SLC24A4: variants seen among roughly 807,000 people sequenced by gnomAD.
The protein encoded by SLC24A4 is solute carrier family 24 member 4.
A neutral mutation model predicts 79.0 loss-of-function variants in SLC24A4; 53 were observed. That is an observed-to-expected ratio of 0.67 (90% CI 0.54 to 0.84). SLC24A4 has a LOEUF of 0.84. Among genes scored for constraint, SLC24A4 ranks in the 40% least tolerant of loss-of-function variants. The pLI, the probability that SLC24A4 is intolerant of heterozygous loss-of-function variation, is 0.00. For missense variants in SLC24A4, 731 were observed against 822.0 expected, an observed-to-expected ratio of 0.89 and a Z score of 1.35; for synonymous variants, 323 against 323.8, an observed-to-expected ratio of 1.00 and a Z score of 0.03.
In SLC24A4 at chr14:92,397,209, C is replaced by T. The variant is rs566281290; in HGVS notation, c.242-36703C>T. 1.8e-4 allele frequency among the ~76,000 whole-genome samples: 28 copies of T among 152,156 alleles called. No homozygotes were observed. In the South Asian group the frequency reaches 5.2e-3, roughly 28 times the overall value. On this transcript the variant is annotated intron_variant, in intron 2 of 16. Coordinates refer to ENST00000532405, the MANE Select transcript of SLC24A4 (RefSeq NM_153646.4). Reference sequence around the variant, plus strand: ...GTGAAATCTATCACGGTGGATAATCCGAAATTTGCATTTGGAATGCAGAAG... The same window carrying T: ...GTGAAATCTATCACGGTGGATAATCTGAAATTTGCATTTGGAATGCAGAAG...
intron 2 of SLC24A4, among the ~76,000 whole-genome samples, chr14:92,357,285 A>G (rs2141657270): frequency 6.6e-6 from 1 of 152,340 alleles, no homozygotes; most frequent in Admixed American, 6.5e-5. Context: ...AAAGAATCAG[A>G]TCTCCTGGTG....
chr14:92,442,112 G>A lies in SLC24A4; in HGVS notation c.417G>A (p.Val139=). 6.2e-7 allele frequency: 1 copy of A among 1,613,978 alleles called. No individual in the cohort carries two copies. Residue 139 remains valine (V), a synonymous_variant, in exon 5 of 17, where the codon GTG becomes GTA. Transcript: ENST00000532405. ...ICERLHLSED[V]AGATFMAAGS... ...AGAGACTCCATCTGAGCGAAGATGT[G>A]GCTGGAGCCACCTTCATGGCTGCAG...
chr14:92,495,215 T>A lies in SLC24A4; in HGVS notation c.*1587T>A, dbSNP rs1895882916. On this transcript the variant is annotated 3_prime_UTR_variant, in exon 17 of 17. Coordinates refer to ENST00000532405, the MANE Select transcript of SLC24A4 (RefSeq NM_153646.4). Reference sequence around the variant, plus strand: ...CGTGACGCTGGTTGGAATTTCTGACTGTGCCCTTTAGGGCCTCCTGAGTTT... The same window carrying A: ...CGTGACGCTGGTTGGAATTTCTGACAGTGCCCTTTAGGGCCTCCTGAGTTT... 1 of 152,524 alleles carries A rather than the reference T, an allele frequency of 6.6e-6. No homozygotes were observed. The highest frequency in any genetic ancestry group is 2.4e-5 in the African/African-American group (1 of 41,438). The allele number at this position is 152,524 out of a possible 1,614,324, so 9.4% of individuals were successfully genotyped here.
Position 92,493,641 on chromosome 14 carries a change from GC to G in SLC24A4, c.*17del. The G allele has an allele frequency of 3.1e-6, 5 of 1,613,466 alleles. No individual in the cohort carries two copies. Among genetic ancestry groups the G allele is most frequent in the Non-Finnish European group, 4.2e-6 (5 of 1,179,666 alleles). On this transcript the variant is annotated 3_prime_UTR_variant, in exon 17 of 17. Coordinates refer to ENST00000532405, the MANE Select transcript of SLC24A4 (RefSeq NM_153646.4). ...GGAAGACGATTAGCGCTGAGTCGCG[GC>G]CCCTGGGAGCTGATCTGGACACCCT...
intron 2 of SLC24A4, among the ~76,000 whole-genome samples, chr14:92,342,634 C>T (rs1210015912): frequency 5.9e-5 from 9 of 152,192 alleles, no homozygotes; most frequent in South Asian, 2.1e-4. Context: ...CCACCCGCCT[C>T]GGCCTCCCAA....
At chr14:92,447,709 C>A (rs952995283) in intron 9 of SLC24A4, among the ~76,000 whole-genome samples, 1 of 152,220 alleles carries the variant, frequency 6.6e-6, no homozygotes, top group Non-Finnish European at 1.5e-5. Context: ...GCCTCTTTCC[C>A]GCCCTGCTCT....
chr14:92,350,204 T>C (rs1566705153), intron 2 of SLC24A4, among the ~76,000 whole-genome samples: 1 of 152,236 alleles, frequency 6.6e-6, no homozygotes, highest in East Asian at 1.9e-4. Flanking sequence ...AGTTCTTTTT[T>C]TGGGAGCTGC....
rs1002034881 is a variant in SLC24A4 at position 92,491,768 on chromosome 14, T to C, written c.1641T>C (p.Tyr547=). 1.4e-5 allele frequency: 22 copies of C among 1,611,402 alleles called. No homozygotes were observed. Among genetic ancestry groups the C allele is most frequent in the East Asian group, 2.2e-5 (1 of 44,884 alleles). ...PWGLQTMVVN[Y]GSTVKINSRG... is the part of the protein sequence containing the mutation. ...GCCTGCAGACCATGGTTGTTAATTA[T>C]GGATCAACAGTAAGTTCCTCTCACC... Residue 547 remains tyrosine (Y), a synonymous_variant, in exon 15 of 17, where the codon TAT becomes TAC. Coordinates refer to ENST00000532405, the MANE Select transcript of SLC24A4 (RefSeq NM_153646.4).
intron 12 of SLC24A4, among the ~76,000 whole-genome samples, chr14:92,458,314 G>C (rs543484251): frequency 1.1e-4 from 17 of 152,336 alleles, no homozygotes; most frequent in African/African-American, 3.6e-4. Flanking sequence ...CCAGCCCAGG[G>C]GTTCAGGCCT....
chr14:92,430,121 T>C (rs2139780094), intron 2 of SLC24A4, among the ~76,000 whole-genome samples: 1 of 152,348 alleles, frequency 6.6e-6, no homozygotes, highest in South Asian at 2.1e-4. Flanking sequence ...TCAGGGGATT[T>C]CCCACCTCAA....
intron 2 of SLC24A4, among the ~76,000 whole-genome samples, chr14:92,346,529 G>A (rs1402327824): frequency 2.6e-5 from 4 of 152,208 alleles, no homozygotes; most frequent in African/African-American, 9.6e-5. Context: ...GGTCATAAGC[G>A]AGGGATAGAT....
At chr14:92,435,219 G>T (rs1443729716) in intron 3 of SLC24A4, among the ~76,000 whole-genome samples, 1 of 152,156 alleles carries the variant, frequency 6.6e-6, no homozygotes, top group East Asian at 1.9e-4. Flanking sequence ...GGTGGAAGGG[G>T]GGTCAGGTAG....
At chr14:92,433,669 G>A (rs7151158) in intron 2 of SLC24A4, among the ~76,000 whole-genome samples, 2,391 of 152,256 alleles carry the variant, frequency 0.016, 21 homozygotes, top group Non-Finnish European at 0.025. Context: ...TTTTTAAAAT[G>A]CAAGACATAT....
chr14:92,443,113 G>C (rs888423891), intron 6 of SLC24A4, among the ~76,000 whole-genome samples: 2 of 152,238 alleles, frequency 1.3e-5, no homozygotes, highest in South Asian at 2.1e-4. Flanking sequence ...GCAGCCGACT[G>C]TGCCTGAAAG....
intron 12 of SLC24A4, among the ~76,000 whole-genome samples, chr14:92,472,720 C>G (rs1004304918): frequency 1.2e-4 from 19 of 152,170 alleles, no homozygotes; most frequent in African/African-American, 4.6e-4. Flanking sequence ...CACATTTTTG[C>G]AATTGCGAAT....
chr14:92,331,208 A>G (rs973693039), intron 2 of SLC24A4, among the ~76,000 whole-genome samples: 11 of 152,130 alleles, frequency 7.2e-5, no homozygotes, highest in African/African-American at 2.2e-4. Context: ...ACCCAGTTCA[A>G]AGTAGCCCTC....
chr14:92,326,013 A>G, intron 2 of SLC24A4, 35 bp downstream of exon 2: 1 of 1,490,184 alleles, frequency 6.7e-7, no homozygotes, highest in Non-Finnish European at 9.3e-7. Flanking sequence ...CAGTCTACTA[A>G]GATGTTTGGC....
chr14:92,438,613 G>C (rs1275068792), intron 3 of SLC24A4, among the ~76,000 whole-genome samples: 2 of 152,096 alleles, frequency 1.3e-5, no homozygotes, highest in African/African-American at 4.8e-5. Context: ...GTGAGACCCT[G>C]TCTCAAACAA....
chr14:92,405,243 C>T (rs1434923937), intron 2 of SLC24A4, among the ~76,000 whole-genome samples: 1 of 152,196 alleles, frequency 6.6e-6, no homozygotes, highest in Non-Finnish European at 1.5e-5. Context: ...GTTAGCCCTC[C>T]AACTGGGAGT....
Sources: allele counts gnomAD v4.1 joint callset (sites outside exome capture counted in the v4.1 genomes callset), GRCh38; gene constraint gnomAD v4.1.1; transcripts MANE v1.5; gene names NCBI Gene and HGNC (gene_info 2026-07-23, HGNC 2026-07-21).